Variants in SEZ6L observed in about 807,000 individuals in gnomAD.
SEZ6L encodes the protein seizure 6-like protein.
Under a neutral mutation model 106.2 loss-of-function variants are expected in SEZ6L, and 37 were observed. The observed-to-expected ratio is 0.35, with a 90% CI of 0.27 to 0.46. The LOEUF (loss-of-function observed/expected upper bound fraction) is 0.46, where lower values mean the gene tolerates loss of function less well. Ranked by LOEUF, SEZ6L falls within the 20% of genes least tolerant of loss-of-function variation. The pLI, the probability that SEZ6L is intolerant of heterozygous loss-of-function variation, is 1.00. For missense variants in SEZ6L, 1,172 were observed against 1,332.8 expected (o/e 0.88, Z 1.88); for synonymous variants, 541 against 570.4 (o/e 0.95, Z 0.73).
Position 26,316,265 on chromosome 22 carries a change from G to C in SEZ6L, c.2015+2363G>C, listed in dbSNP as rs544806007. Among the ~76,000 whole-genome samples the C allele has an allele frequency of 5.3e-5, 8 of 152,306 alleles. No individual in the cohort carries two copies. The East Asian group carries it at 1.5e-3, about 29-fold the overall frequency. ...GGTAAAATTCATATTGGAAAGAATG[G>C]AATGGATTGTCTCTCTTAACTCTAG... On this transcript the variant is annotated intron_variant, in intron 9 of 16. Coordinates refer to ENST00000248933, the MANE Select transcript of SEZ6L (RefSeq NM_021115.5).
At chr22:26,312,437 A>G (rs2081867760) in intron 8 of SEZ6L, among the ~76,000 whole-genome samples, 1 of 152,146 alleles carries the variant, frequency 6.6e-6, no homozygotes, top group South Asian at 2.1e-4. Context: ...TAGGTGAGAA[A>G]CTAATGCTGT....
At chr22:26,247,376 A>AAGGTC (rs1329330327) in intron 1 of SEZ6L, among the ~76,000 whole-genome samples, 3 of 152,142 alleles carry the variant, frequency 2.0e-5, no homozygotes, top group African/African-American at 7.2e-5. Context: ...ATGTAACCTT[A>AAGGTC]TTTGGAAATA....
At chr22:26,227,671 G>A (rs2078674850) in intron 1 of SEZ6L, among the ~76,000 whole-genome samples, 3 of 150,012 alleles carry the variant, frequency 2.0e-5, no homozygotes, top group Non-Finnish European at 2.9e-5. Flanking sequence ...CTCTCACCTC[G>A]GCCTCTCAAA....
At chr22:26,339,784 T>C (rs942002717) in intron 9 of SEZ6L, among the ~76,000 whole-genome samples, 2 of 152,252 alleles carry the variant, frequency 1.3e-5, no homozygotes, top group African/African-American at 4.8e-5. Context: ...ATGCAGGTCA[T>C]AGCCCCAGCC....
chr22:26,273,788 G>C (rs2080449431), intron 1 of SEZ6L, among the ~76,000 whole-genome samples: 2 of 152,216 alleles, frequency 1.3e-5, no homozygotes. Flanking sequence ...CGTGGGGTGA[G>C]ATGGTGCAGG....
chr22:26,365,366 T>C lies in SEZ6L; in HGVS notation c.2600-6T>C. On this transcript the variant is annotated splice_region_variant and splice_polypyrimidine_tract_variant and intron_variant, in intron 12 of 16. Transcript: ENST00000248933. ...TCATCAGAGCTCCTTCTGGCTTGCA[T>C]TTCAGCGGAGGAGTCCCTGGCATGT... 1 of 1,598,826 alleles carries C rather than the reference T, an allele frequency of 6.3e-7. No homozygotes were observed. Among genetic ancestry groups the C allele is most frequent in the Non-Finnish European group, 8.6e-7 (1 of 1,167,304 alleles).
At position 26,310,730 on chromosome 22, in the gene SEZ6L, C is replaced by G. The variant is rs186497116; in HGVS notation, c.1575C>G (p.Thr525=). 6.2e-7 allele frequency: 1 copy of G among 1,614,146 alleles called. No homozygotes were observed. The highest frequency in any genetic ancestry group is 8.5e-7 in the Non-Finnish European group (1 of 1,180,024). ...KSALLYDSLQ[T]ESVPFEGLLS... Reference sequence around the variant, plus strand: ...CTCTTCTCTACGACTCCCTTCAAACCGAGAGTGTCCCTTTTGAGGGCCTGC... The same window carrying G: ...CTCTTCTCTACGACTCCCTTCAAACGGAGAGTGTCCCTTTTGAGGGCCTGC... Residue 525 remains threonine (T), a synonymous_variant, in exon 7 of 17, where the codon ACC becomes ACG. Coordinates refer to ENST00000248933, the MANE Select transcript of SEZ6L (RefSeq NM_021115.5).
At chr22:26,337,740 T>C (rs150884307) in intron 9 of SEZ6L, among the ~76,000 whole-genome samples, 3 of 152,244 alleles carry the variant, frequency 2.0e-5, no homozygotes, top group East Asian at 3.9e-4. Context: ...CTTGAAGACA[T>C]GTGTGCAAAG....
At chr22:26,245,175 G>A (rs979724018) in intron 1 of SEZ6L, among the ~76,000 whole-genome samples, 1 of 152,104 alleles carries the variant, frequency 6.6e-6, no homozygotes, top group African/African-American at 2.4e-5. Flanking sequence ...ACAGGCTGCA[G>A]GTCTGAGAAG....
chr22:26,336,673 G>T (rs1444639381), intron 9 of SEZ6L, among the ~76,000 whole-genome samples: 5 of 152,074 alleles, frequency 3.3e-5, no homozygotes, highest in Non-Finnish European at 7.3e-5. Flanking sequence ...ATAAGTCATG[G>T]TTTCTCGAGT....
chr22:26,343,185 A>C (rs1250536044), intron 10 of SEZ6L, among the ~76,000 whole-genome samples: 1 of 151,914 alleles, frequency 6.6e-6, no homozygotes, highest in East Asian at 1.9e-4. Flanking sequence ...CCTTTGGAGG[A>C]AGTCTCTGGT....
At chr22:26,269,029 A>T (rs533875982) in intron 1 of SEZ6L, among the ~76,000 whole-genome samples, 3 of 152,228 alleles carry the variant, frequency 2.0e-5, no homozygotes, top group Non-Finnish European at 4.4e-5. Flanking sequence ...ATCAAACAGG[A>T]CAATGGATGT....
At position 26,378,726 on chromosome 22, in the gene SEZ6L, C is replaced by T. The variant is rs146627661; in HGVS notation, c.3045+951C>T. Among the ~76,000 whole-genome samples the T allele has an allele frequency of 6.6e-3, 1,001 of 152,194 alleles. 8 individuals carry two copies. Among genetic ancestry groups the T allele is most frequent in the African/African-American group, 0.023 (958 of 41,524 alleles). ...CATGTGCAAAGGTCCAGGGCACATG[C>T]GAGGAAGCAAAAGGCTGGTTATGAG... is the stretch of plus-strand genomic sequence containing the variant. On this transcript the variant is annotated intron_variant, in intron 16 of 16. Coordinates refer to ENST00000248933, the MANE Select transcript of SEZ6L (RefSeq NM_021115.5).
At chr22:26,204,918 T>C (rs1941199637) in intron 1 of SEZ6L, among the ~76,000 whole-genome samples, 1 of 152,222 alleles carries the variant, frequency 6.6e-6, no homozygotes, top group African/African-American at 2.4e-5. Context: ...CTATCTCTCT[T>C]TCTGATAAAA....
intron 1 of SEZ6L, among the ~76,000 whole-genome samples, chr22:26,276,318 C>T (rs1163964830): frequency 2.0e-5 from 3 of 152,222 alleles, no homozygotes; most frequent in Non-Finnish European, 4.4e-5. Flanking sequence ...GGAATTTGCT[C>T]AAGGTCACAT....
At chr22:26,257,628 G>C (rs1390886575) in intron 1 of SEZ6L, among the ~76,000 whole-genome samples, 1 of 152,182 alleles carries the variant, frequency 6.6e-6, no homozygotes, top group African/African-American at 2.4e-5. Context: ...GCTCTTCTGA[G>C]GAGGTGACAT....
In SEZ6L at chr22:26,310,836, G is replaced by T; in HGVS notation, c.1681G>T (p.Ala561Ser). 1 of 1,613,696 alleles carries T rather than the reference G, an allele frequency of 6.2e-7. No individual in the cohort carries two copies. The highest frequency in any genetic ancestry group is 1.1e-5 in the South Asian group (1 of 91,044). The change falls in exon 7 of 17, where the codon GCG becomes TCG. Residue 561 changes from alanine (A) to serine (S), a missense_variant and splice_region_variant. Physicochemically the swap from Ala to Ser is moderately conservative, Grantham distance 99. This residue lies in a region of SEZ6L where 534 missense variants were observed against 691.0 expected (regional missense o/e 0.77). Coordinates refer to ENST00000248933, the MANE Select transcript of SEZ6L (RefSeq NM_021115.5). ...CTCCACCTTCAACATCCGATTTGAA[G>T]GTGAGGGTCCCTGGGAGCTTCCCTT... ...AASTFNIRFE[A>S]FEKGHCYEPY... is the part of the protein sequence containing the mutation.
intron 1 of SEZ6L, among the ~76,000 whole-genome samples, chr22:26,290,888 A>C (rs903212457): frequency 6.6e-6 from 1 of 152,176 alleles, no homozygotes; most frequent in African/African-American, 2.4e-5. Flanking sequence ...CGTGACTCTG[A>C]ATCCTAAAAC....
At chr22:26,214,949 C>T (rs1040270955) in intron 1 of SEZ6L, among the ~76,000 whole-genome samples, 2 of 152,000 alleles carry the variant, frequency 1.3e-5, no homozygotes, top group African/African-American at 4.8e-5. Context: ...AAAAAAAATG[C>T]TCAATGTGAT....
Sources: allele counts gnomAD v4.1 joint callset (sites outside exome capture counted in the v4.1 genomes callset), GRCh38; gene constraint gnomAD v4.1.1; regional missense constraint gnomAD v4.1.1; transcripts MANE v1.5; gene names NCBI Gene and HGNC (gene_info 2026-07-23, HGNC 2026-07-21).